The following GALNTL6 variants were observed in gnomAD, a reference collection of about 807,000 sequenced individuals.
The protein encoded by GALNTL6 is polypeptide N-acetylgalactosaminyltransferase like 6.
Under a neutral mutation model 73.7 loss-of-function variants are expected in GALNTL6, and 46 were observed. The observed-to-expected ratio is 0.62, with a 90% confidence interval of 0.49 to 0.80. The LOEUF (loss-of-function observed/expected upper bound fraction) is 0.80. GALNTL6 is among the 30% of genes least tolerant of loss of function. GALNTL6 has a pLI of 0.00. For synonymous variants in GALNTL6, 259 were observed against 263.7 expected, an observed-to-expected ratio of 0.98 and a Z score of 0.17; for missense variants, 604 against 755.0, an observed-to-expected ratio of 0.80 and a Z score of 2.34.
At chr4:172,206,782 G>T (rs9790366) in intron 2 of GALNTL6, among the ~76,000 whole-genome samples, 1,382 of 29,428 alleles carry the variant, frequency 0.047, 409 homozygotes, top group East Asian at 0.39. Context: ...CGTGTTTTTT[G>T]TTTTGTTTTG....
intron 2 of GALNTL6, among the ~76,000 whole-genome samples, chr4:171,861,512 G>T (rs1387443380): frequency 6.6e-6 from 1 of 152,022 alleles, no homozygotes; most frequent in African/African-American, 2.4e-5. Flanking sequence ...TTGAAACTCA[G>T]TGCATTTAAG....
intron 2 of GALNTL6, among the ~76,000 whole-genome samples, chr4:171,951,934 T>C (rs1738895479): frequency 6.6e-6 from 1 of 151,806 alleles, no homozygotes; most frequent in South Asian, 2.1e-4. Flanking sequence ...TATCCCAGAG[T>C]TACATGCCCA....
intron 3 of GALNTL6, among the ~76,000 whole-genome samples, chr4:172,252,590 T>C (rs1459074709): frequency 1.3e-5 from 2 of 152,082 alleles, no homozygotes; most frequent in African/African-American, 4.8e-5. Context: ...TCTATAGATA[T>C]GCAGTTTTTA....
At chr4:172,792,439 G>T (rs1386757585) in intron 5 of GALNTL6, among the ~76,000 whole-genome samples, 1 of 151,816 alleles carries the variant, frequency 6.6e-6, no homozygotes, top group African/African-American at 2.4e-5. Flanking sequence ...TTAGAAACTA[G>T]TAAAAAAGTG....
intron 5 of GALNTL6, among the ~76,000 whole-genome samples, chr4:172,669,861 T>C (rs1387565941): frequency 1.3e-5 from 2 of 152,176 alleles, no homozygotes; most frequent in Non-Finnish European, 2.9e-5. Context: ...GTTGTTCTCC[T>C]TTATGTGACC....
intron 5 of GALNTL6, among the ~76,000 whole-genome samples, chr4:172,481,994 T>C (rs1370112904): frequency 6.6e-6 from 1 of 152,166 alleles, no homozygotes; most frequent in Non-Finnish European, 1.5e-5. Context: ...GGCTCAGACA[T>C]GGTGGGCTGC....
At chr4:171,853,932 CTCTT>C (rs1174967518) in intron 2 of GALNTL6, among the ~76,000 whole-genome samples, 4 of 152,008 alleles carry the variant, frequency 2.6e-5, no homozygotes, top group Non-Finnish European at 2.9e-5. Flanking sequence ...CTCTTCATGT[CTCTT>C]TCTTTCTTTT....
At chr4:171,913,244 GTAAT>G (rs1553969494) in intron 2 of GALNTL6, among the ~76,000 whole-genome samples, 3 of 152,214 alleles carry the variant, frequency 2.0e-5, no homozygotes, top group Non-Finnish European at 4.4e-5. Flanking sequence ...AAAGAAAAGT[GTAAT>G]TAATCACAGC....
chr4:172,592,854 G>T (rs2111004069), intron 5 of GALNTL6, among the ~76,000 whole-genome samples: 2 of 152,220 alleles, frequency 1.3e-5, no homozygotes, highest in Middle Eastern at 6.8e-3. Flanking sequence ...AATGCAAAAT[G>T]AGTATGTATG....
chr4:172,756,969 G>A (rs1198831371), intron 5 of GALNTL6, among the ~76,000 whole-genome samples: 1 of 152,146 alleles, frequency 6.6e-6, no homozygotes, highest in Non-Finnish European at 1.5e-5. Context: ...GATATTGCTA[G>A]AAGGCAAGAC....
At chr4:172,089,361 A>G (rs1732133855) in intron 2 of GALNTL6, among the ~76,000 whole-genome samples, 1 of 152,190 alleles carries the variant, frequency 6.6e-6, no homozygotes, top group African/African-American at 2.4e-5. Flanking sequence ...GACAGCGGCA[A>G]TCTGACAGAT....
At chr4:172,491,138 G>T (rs1266324507) in intron 5 of GALNTL6, among the ~76,000 whole-genome samples, 1 of 152,008 alleles carries the variant, frequency 6.6e-6, no homozygotes, top group African/African-American at 2.4e-5. Flanking sequence ...TCTAACCTAG[G>T]TCTCGTAATT....
At chr4:172,149,349 T>C (rs534267830) in intron 2 of GALNTL6, among the ~76,000 whole-genome samples, 52 of 152,226 alleles carry the variant, frequency 3.4e-4, no homozygotes, top group Non-Finnish European at 6.0e-4. Context: ...TGTTACATTG[T>C]ATGCGCTGCT....
intron 2 of GALNTL6, among the ~76,000 whole-genome samples, chr4:171,982,367 G>A (rs1183321531): frequency 6.6e-6 from 1 of 152,012 alleles, no homozygotes; most frequent in African/African-American, 2.4e-5. Context: ...GCGCGATCTC[G>A]GCCCACTGCA....
chr4:172,433,882 C>T (rs1394558156), intron 5 of GALNTL6, among the ~76,000 whole-genome samples: 1 of 152,096 alleles, frequency 6.6e-6, no homozygotes, highest in East Asian at 1.9e-4. Context: ...AAAATTGTCC[C>T]AGTACACAGG....
At chr4:172,984,292 A>G (rs1751198664) in intron 10 of GALNTL6, among the ~76,000 whole-genome samples, 1 of 152,188 alleles carries the variant, frequency 6.6e-6, no homozygotes, top group Non-Finnish European at 1.5e-5. Flanking sequence ...CATGGCTGAA[A>G]GCAGCTCTTC....
intron 2 of GALNTL6, among the ~76,000 whole-genome samples, chr4:172,057,109 A>G (rs1731038718): frequency 6.6e-6 from 1 of 152,084 alleles, no homozygotes; most frequent in Non-Finnish European, 1.5e-5. Flanking sequence ...TATTAACTTT[A>G]AACATTAATT....
intron 2 of GALNTL6, among the ~76,000 whole-genome samples, chr4:172,078,685 G>A (rs535790438): frequency 8.5e-5 from 13 of 152,192 alleles, no homozygotes; most frequent in South Asian, 2.1e-4. Flanking sequence ...TTAATATGGC[G>A]CTGTCTTGGA....
At chr4:172,433,130 A>G (rs1731517755) in intron 5 of GALNTL6, among the ~76,000 whole-genome samples, 1 of 152,176 alleles carries the variant, frequency 6.6e-6, no homozygotes, top group African/African-American at 2.4e-5. Flanking sequence ...AGAATCACAG[A>G]TTATTTCAGG....
Sources: allele counts gnomAD v4.1 joint callset (sites outside exome capture counted in the v4.1 genomes callset), GRCh38; gene constraint gnomAD v4.1.1; transcripts MANE v1.5; gene names NCBI Gene and HGNC (gene_info 2026-07-23, HGNC 2026-07-21).